The following WDPCP variants were observed in gnomAD, a reference collection of about 807,000 sequenced individuals.
WDPCP encodes WD repeat-containing and planar cell polarity effector protein fritz homolog.
In WDPCP, 71 loss-of-function variants were observed where a neutral mutation model predicts 93.1. The observed-to-expected ratio is 0.76, with a 90% confidence interval of 0.63 to 0.93. WDPCP has a LOEUF of 0.93. Ranked by LOEUF, WDPCP falls within the 40% of genes least tolerant of loss-of-function variation. The pLI is 0.00. For synonymous variants in WDPCP, 315 were observed against 315.0 expected (o/e 1.00, Z 0.00); for missense variants, 844 against 887.4 (o/e 0.95, Z 0.62).
chr2:63,162,744 G>A (rs556756404), intron 15 of WDPCP, among the ~76,000 whole-genome samples: 2 of 152,252 alleles, frequency 1.3e-5, no homozygotes, highest in East Asian at 3.9e-4. Context: ...TGCAACTTAT[G>A]AAGTTTGAAT....
intron 10 of WDPCP, among the ~76,000 whole-genome samples, chr2:63,402,892 C>G (rs1694259824): frequency 6.6e-6 from 1 of 152,094 alleles, no homozygotes; most frequent in South Asian, 2.1e-4. Context: ...GAGCTAAAAG[C>G]AAAACTACTA....
At chr2:63,566,502 G>T (rs181519492) in intron 1 of WDPCP, among the ~76,000 whole-genome samples, 3 of 152,232 alleles carry the variant, frequency 2.0e-5, no homozygotes, top group African/African-American at 7.2e-5. Context: ...TGACCACTTT[G>T]GGCACATGTT....
At chr2:63,182,948 G>A (rs149688865) in intron 14 of WDPCP, among the ~76,000 whole-genome samples, 2 of 151,656 alleles carry the variant, frequency 1.3e-5, no homozygotes, top group African/African-American at 2.4e-5. Context: ...GTTCATGGTA[G>A]TCTTTGATGA....
In WDPCP at chr2:63,522,349, A is replaced by G. The variant is rs147287659; in HGVS notation, c.76-29409T>C. Among the ~76,000 whole-genome samples, 44 of 152,160 alleles carry G rather than the reference A, an allele frequency of 2.9e-4. No individual in the cohort carries two copies. In the East Asian group the frequency reaches 8.3e-3, roughly 29 times the overall value. ...AAATTAACAACCTAACATCACACCT[A>G]GAGGAACTAGAGAAACAAGAGCAAA... is the stretch of plus-strand genomic sequence containing the variant. On this transcript the variant is annotated intron_variant, in intron 1 of 17. Coordinates refer to ENST00000272321, the MANE Select transcript of WDPCP (RefSeq NM_015910.7).
intron 13 of WDPCP, among the ~76,000 whole-genome samples, chr2:63,280,386 G>C (rs1683439160): frequency 6.6e-6 from 1 of 152,144 alleles, no homozygotes. Flanking sequence ...AGAATAGCAT[G>C]AGACAGACCG....
chr2:63,376,311 T>C (rs1029267147), intron 12 of WDPCP, among the ~76,000 whole-genome samples: 2 of 151,920 alleles, frequency 1.3e-5, no homozygotes, highest in Non-Finnish European at 2.9e-5. Flanking sequence ...CAGTTCCAGA[T>C]GTAACCACAT....
chr2:63,709,376 C>A (rs529825962), intron 2 of WDPCP, among the ~76,000 whole-genome samples: 1 of 152,100 alleles, frequency 6.6e-6, no homozygotes, highest in Admixed American at 6.5e-5. Context: ...TCAGTCCCAT[C>A]CCCTTCAGGC....
At chr2:63,754,119 C>A (rs571477309) in intron 2 of WDPCP, among the ~76,000 whole-genome samples, 22 of 152,320 alleles carry the variant, frequency 1.4e-4, no homozygotes, top group African/African-American at 4.6e-4. Flanking sequence ...TCCCTGGTGG[C>A]AAGGGCTGGA....
chr2:63,342,240 G>C (rs1037070278), intron 12 of WDPCP, among the ~76,000 whole-genome samples: 2 of 152,180 alleles, frequency 1.3e-5, no homozygotes, highest in Admixed American at 1.3e-4. Context: ...TGTGTGGCCT[G>C]GTTCCTAACA....
chr2:63,189,632 G>A (rs751816412), intron 14 of WDPCP, among the ~76,000 whole-genome samples: 2 of 152,126 alleles, frequency 1.3e-5, no homozygotes, highest in Non-Finnish European at 2.9e-5. Flanking sequence ...TTCCTTGACA[G>A]ACAAAACATT....
intron 14 of WDPCP, among the ~76,000 whole-genome samples, chr2:63,191,503 G>C (rs1675040577): frequency 6.6e-6 from 1 of 152,168 alleles, no homozygotes; most frequent in African/African-American, 2.4e-5. Context: ...TAAAAATCCA[G>C]TGTTCAGGCT....
intron 2 of WDPCP, among the ~76,000 whole-genome samples, chr2:63,762,145 CT>C (rs1248852285): frequency 6.6e-6 from 1 of 152,116 alleles, no homozygotes; most frequent in African/African-American, 2.4e-5. Context: ...TGCAAATAGC[CT>C]CAAACCAAAC....
intron 1 of WDPCP, among the ~76,000 whole-genome samples, chr2:63,568,094 CAT>C (rs1707212097): frequency 6.6e-6 from 1 of 152,074 alleles, no homozygotes; most frequent in Non-Finnish European, 1.5e-5. Context: ...CAGGCACTTA[CAT>C]ATATTAATTC....
chr2:63,751,821 G>C (rs1294814536), intron 2 of WDPCP: 1 of 668,736 alleles, frequency 1.5e-6, no homozygotes, highest in Non-Finnish European at 2.8e-6. Flanking sequence ...TCCCATTCAT[G>C]GGTCCAAAAT....
intron 2 of WDPCP, among the ~76,000 whole-genome samples, chr2:63,667,814 T>C (rs971930189): frequency 6.6e-6 from 1 of 152,166 alleles, no homozygotes; most frequent in Non-Finnish European, 1.5e-5. Context: ...GTAGTCTTCA[T>C]GTTATCCAGG....
rs547914990 is a variant in WDPCP at position 63,265,841 on chromosome 2, C to T, written c.1813-6432G>A. Among the ~76,000 whole-genome samples, 26 of 152,150 alleles carry T rather than the reference C, an allele frequency of 1.7e-4. No individual in the cohort carries two copies. The South Asian group carries it at 5.0e-3, about 29-fold the overall frequency. ...GATGAAGTGGTATTTATCCCAGAAA[C>T]GCAAGTATGGTTCAACATATATAAA... On this transcript the variant is annotated intron_variant, in intron 13 of 17. Coordinates refer to ENST00000272321, the MANE Select transcript of WDPCP (RefSeq NM_015910.7).
intron 12 of WDPCP, chr2:63,359,647 TAGGC>T: frequency 6.6e-6 from 1 of 152,200 alleles, no homozygotes; most frequent in South Asian, 2.1e-4. Context: ...ATCACTCTCT[TAGGC>T]ATTTATTCCA....
chr2:63,482,272 A>G (rs575605568), intron 6 of WDPCP, among the ~76,000 whole-genome samples: 2 of 152,028 alleles, frequency 1.3e-5, no homozygotes, highest in African/African-American at 2.4e-5. Flanking sequence ...AATGACGTAC[A>G]TTAGCAGAGG....
At chr2:63,547,478 T>C (rs1705236812) in intron 1 of WDPCP, among the ~76,000 whole-genome samples, 1 of 152,060 alleles carries the variant, frequency 6.6e-6, no homozygotes, top group Non-Finnish European at 1.5e-5. Flanking sequence ...ATTGCAGCCC[T>C]ATACAAAATT....
Sources: allele counts gnomAD v4.1 joint callset (sites outside exome capture counted in the v4.1 genomes callset), GRCh38; gene constraint gnomAD v4.1.1; transcripts MANE v1.5; gene names NCBI Gene and HGNC (gene_info 2026-07-23, HGNC 2026-07-21).